The following GEMIN4 variants were observed in gnomAD, a reference collection of about 807,000 sequenced individuals.
GEMIN4 encodes the protein gem nuclear organelle associated protein 4.
Under a neutral mutation model 76.8 loss-of-function variants are expected in GEMIN4, and 59 were observed. The observed-to-expected ratio is 0.77, with a 90% confidence interval of 0.62 to 0.95. The LOEUF (loss-of-function observed/expected upper bound fraction) is 0.95, where lower values mean the gene tolerates loss of function less well. GEMIN4 is among the 40% of genes least tolerant of loss of function. The probability of loss-of-function intolerance (pLI) is 0.00; values close to 1 mark genes in which losing one functional copy is unlikely to be tolerated. For synonymous variants in GEMIN4, 562 were observed against 559.7 expected (o/e 1.00, Z -0.06); for missense variants, 1,311 against 1,318.9 (o/e 0.99, Z 0.09).
Position 746,665 on chromosome 17 carries a change from T to G in GEMIN4, c.1378A>C (p.Thr460Pro). 6.2e-7 allele frequency: 1 copy of G among 1,613,538 alleles called. No individual in the cohort carries two copies. The change falls in exon 2 of 2, where the codon ACA (threonine) becomes CCA (proline). Residue 460 changes from threonine (T) to proline (P), a missense_variant. This residue lies in a region of GEMIN4 where 1,208 missense variants were observed against 1,166.9 expected (regional missense o/e 1.04). Coordinates refer to ENST00000319004, the MANE Select transcript of GEMIN4 (RefSeq NM_015721.3). This position sits in a 1 kb window ranked among gnomAD's most constrained non-coding sequence, Gnocchi z 4.3. ...TCAGCTGTGCTGACGTCTATCACTG[T>G]TTCCAGCAGCCTCAACACCAAGTCT... ...QPDLVLRLLE[T>P]VIDVSTADRA...
chr17:746,265 T>A lies in GEMIN4; in HGVS notation c.1778A>T (p.Glu593Val), dbSNP rs4968104. The change falls in exon 2 of 2, where the codon GAG becomes GTG. Residue 593 changes from glutamate to valine, a missense_variant. By Grantham distance (121) the Glu-to-Val change is moderately radical (BLOSUM62 -2). This residue lies in a region of GEMIN4 where 1,208 missense variants were observed against 1,166.9 expected (regional missense o/e 1.04). Transcript: ENST00000319004. The surrounding 1 kb of genome is among the most constrained non-coding windows in gnomAD (Gnocchi z 4.3). ...TAFPALRFVE[E>V]QGPNSSATFM... ...AGTGGCAGATGAATTGGGACCCTGCTCTTCCACAAACCTAAGGGCAGGGAA... is the reference window on the plus strand; with the variant it reads ...AGTGGCAGATGAATTGGGACCCTGCACTTCCACAAACCTAAGGGCAGGGAA... 378,821 of 1,613,572 alleles carry A rather than the reference T, an allele frequency of 0.23. 46,738 individuals are homozygous for A. The highest frequency in any genetic ancestry group is 0.26 in the Non-Finnish European group (304,902 of 1,179,818).
chr17:746,487 A>G lies in GEMIN4; in HGVS notation c.1556T>C (p.Val519Ala). The change falls in exon 2 of 2, where the codon GTG becomes GCG. Residue 519 changes from valine to alanine, a missense_variant. Physicochemically the swap from Val to Ala is moderately conservative, Grantham distance 64 (BLOSUM62 0). Around this residue, in one of 2 missense-constraint regions of GEMIN4, gnomAD observed 1,208 missense variants for 1,166.9 expected, o/e 1.04. Coordinates refer to ENST00000319004, the MANE Select transcript of GEMIN4 (RefSeq NM_015721.3). This position sits in a 1 kb window ranked among gnomAD's most constrained non-coding sequence, Gnocchi z 4.3. ...ATTGAGGTCTTCCTGAAAACCCTCC[A>G]CATAAGCCAGCAACTTTTCAGAGAG... ...KGLSEKLLAY[V>A]EGFQEDLNTT... 6.2e-7 allele frequency: 1 copy of G among 1,613,974 alleles called. No individual in the cohort carries two copies. Among genetic ancestry groups the G allele is most frequent in the Non-Finnish European group, 8.5e-7 (1 of 1,179,888 alleles).
Position 747,547 on chromosome 17 carries a change from C to T in GEMIN4, c.496G>A (p.Glu166Lys), listed in dbSNP as rs1408518747. Residue 166 changes from glutamate to lysine, a missense_variant, in exon 2 of 2, where the codon GAG (glutamate) becomes AAG (lysine). This residue lies in a region of GEMIN4 where 1,208 missense variants were observed against 1,166.9 expected (regional missense o/e 1.04). Coordinates refer to ENST00000319004, the MANE Select transcript of GEMIN4 (RefSeq NM_015721.3). ...GGGTGACCCTTGTGCTTCATCACCT[C>T]CCACCAGACGTCCAGGAAGAAGGCC... ...DVAFFLDVWW[E>K]VMKHKGHPQD... 1.2e-6 allele frequency: 2 copies of T among 1,613,762 alleles called. No homozygotes were observed. The highest frequency in any genetic ancestry group is 1.7e-6 in the Non-Finnish European group (2 of 1,179,888).
upstream of GEMIN4, chr17:754,158 G>C (rs1051729217): frequency 6.6e-6 from 1 of 152,188 alleles, no homozygotes; most frequent in South Asian, 2.1e-4. Flanking sequence ...CTTAGGGGAC[G>C]GTGGGACAAT....
At position 745,878 on chromosome 17, in the gene GEMIN4, G is replaced by T. The variant is rs751140134; in HGVS notation, c.2165C>A (p.Ser722Tyr). 3.5e-5 allele frequency: 56 copies of T among 1,612,792 alleles called. No individual in the cohort carries two copies. In the South Asian group the frequency reaches 6.2e-4, roughly 18 times the overall value. ...GATCGCTAGATCCTTCCTATCCAAA[G>T]AGAGGCACCGCTTCTCCTTGGGAAG... ...WQLPKEKRCL[S>Y]LDRKDLAIHI... The change falls in exon 2 of 2, where the codon TCT (serine) becomes TAT (tyrosine). Residue 722 changes from serine to tyrosine, a missense_variant. Around this residue, in one of 2 missense-constraint regions of GEMIN4, gnomAD observed 1,208 missense variants for 1,166.9 expected, o/e 1.04. Transcript: ENST00000319004. The surrounding 1 kb of genome is among the most constrained non-coding windows in gnomAD (Gnocchi z 4.6).
At chr17:749,969 A>T (rs1045710763) in intron 1 of GEMIN4, 2 of 985,486 alleles carry the variant, frequency 2.0e-6, no homozygotes, top group Non-Finnish European at 2.4e-6. Context: ...GCCTTCCTTC[A>T]GGGAACTAAC....
At chr17:748,605 G>T in intron 1 of GEMIN4, 1 of 199,916 alleles carries the variant, frequency 5.0e-6, no homozygotes, top group South Asian at 7.3e-5. Context: ...ATGTACCACA[G>T]GACATGACAG....
Position 746,939 on chromosome 17 carries a change from C to G in GEMIN4, c.1104G>C (p.Leu368=). Residue 368 remains leucine, a synonymous_variant, in exon 2 of 2, where the codon CTG becomes CTC. Coordinates refer to ENST00000319004, the MANE Select transcript of GEMIN4 (RefSeq NM_015721.3). The surrounding 1 kb of genome is among the most constrained non-coding windows in gnomAD (Gnocchi z 4.3). ...NATLYLNRTS[L]SKEDRQVVSE... is the part of the protein sequence containing the mutation. ...AGACCACCTGCCTGTCCTCCTTGGA[C>G]AGGCTGGTGCGGTTCAGGTAGAGCG... 1 of 1,613,636 alleles carries G rather than the reference C, an allele frequency of 6.2e-7. No individual in the cohort carries two copies. The highest frequency in any genetic ancestry group is 1.1e-5 in the South Asian group (1 of 91,084).
chr17:747,100 C>T lies in GEMIN4; in HGVS notation c.943G>A (p.Val315Met), dbSNP rs199897496. 444 of 1,613,700 alleles carry T rather than the reference C, an allele frequency of 2.8e-4. 1 individual carries two copies. The African/African-American group carries it at 5.2e-3, about 19-fold the overall frequency. Residue 315 changes from valine (V) to methionine (M), a missense_variant, in exon 2 of 2, where the codon GTG (valine) becomes ATG (methionine). Transcript: ENST00000319004. ...LAKLPSETIF[V>M]GCEFLHHLLR... ...AGGTGGTGCAGGAACTCGCAGCCCA[C>T]GAAAATGGTCTCACTGGGGAGTTTG...
chr17:746,364 G>A lies in GEMIN4; in HGVS notation c.1679C>T (p.Thr560Met), dbSNP rs765476343. The change falls in exon 2 of 2, where the codon ACG (threonine) becomes ATG (methionine). Residue 560 changes from threonine to methionine, a missense_variant. By Grantham distance (81) the Thr-to-Met change is moderately conservative. This residue lies in a region of GEMIN4 where 1,208 missense variants were observed against 1,166.9 expected (regional missense o/e 1.04). Transcript: ENST00000319004. This position sits in a 1 kb window ranked among gnomAD's most constrained non-coding sequence, Gnocchi z 4.3. Reference sequence around the variant, plus strand: ...AGCCAGGCTGCACATTTTCTTCACCGTGACTTCCGGGTGCACTATGACCAG... The same window carrying A: ...AGCCAGGCTGCACATTTTCTTCACCATGACTTCCGGGTGCACTATGACCAG... The part of the protein sequence containing the change: ...ARLVIVHPEV[T>M]VKKMCSLAVV... 6.8e-6 allele frequency: 11 copies of A among 1,613,678 alleles called. No individual in the cohort carries two copies. Among genetic ancestry groups the A allele is most frequent in the Admixed American group, 1.7e-5 (1 of 59,998 alleles).
At chr17:748,101 G>T in intron 1 of GEMIN4, 69 bp from the exon 2 acceptor site, 1 of 1,231,212 alleles carries the variant, frequency 8.1e-7, no homozygotes, top group Non-Finnish European at 1.1e-6. Flanking sequence ...CTGTTAGTAG[G>T]CTGTCATGGT....
chr17:751,813 G>C (rs1031035429), intron 1 of GEMIN4: 2 of 347,850 alleles, frequency 5.7e-6, no homozygotes, highest in African/African-American at 4.2e-5. Flanking sequence ...CCGTCGGGGC[G>C]CCCAGGGGTG....
chr17:747,716 G>A lies in GEMIN4; in HGVS notation c.327C>T (p.His109=), dbSNP rs779940859. 6.2e-7 allele frequency: 1 copy of A among 1,613,856 alleles called. No homozygotes were observed. The highest frequency in any genetic ancestry group is 1.7e-5 in the Admixed American group (1 of 59,998). The change falls in exon 2 of 2, where the codon CAC becomes CAT. Residue 109 remains histidine, a synonymous_variant. Transcript: ENST00000319004. ...SVGNMIPTIN[H]TILFELLKSL... ...ATTTGAGCAGCTCGAAGAGGATGGTGTGGTTGATGGTGGGGATCATGTTGC... is the reference window on the plus strand; with the variant it reads ...ATTTGAGCAGCTCGAAGAGGATGGTATGGTTGATGGTGGGGATCATGTTGC...
chr17:746,865 A>G lies in GEMIN4; in HGVS notation c.1178T>C (p.Val393Ala), dbSNP rs1357158103. The G allele has an allele frequency of 3.1e-6, 5 of 1,613,506 alleles. No homozygotes were observed. The South Asian group carries it at 3.3e-5, about 11-fold the overall frequency. ...VRDFLRKTST[V>A]LKNRALEDIT... is the part of the protein sequence containing the mutation. ...ATCCTCCAAGGCCCTGTTCTTCAGCACCGTGCTCGTTTTCCTCAGGAAGTC... is the reference window on the plus strand; with the variant it reads ...ATCCTCCAAGGCCCTGTTCTTCAGCGCCGTGCTCGTTTTCCTCAGGAAGTC... The change falls in exon 2 of 2, where the codon GTG becomes GCG. Residue 393 changes from valine (V) to alanine (A), a missense_variant. Around this residue, in one of 2 missense-constraint regions of GEMIN4, gnomAD observed 1,208 missense variants for 1,166.9 expected, o/e 1.04. Coordinates refer to ENST00000319004, the MANE Select transcript of GEMIN4 (RefSeq NM_015721.3). This position sits in a 1 kb window ranked among gnomAD's most constrained non-coding sequence, Gnocchi z 4.3.
At position 752,228 on chromosome 17, in the gene GEMIN4, A is replaced by G. The variant is rs1904767861; in HGVS notation, c.-86T>C. The G allele has an allele frequency of 1.6e-6, 2 of 1,228,762 alleles. No homozygotes were observed. The highest frequency in any genetic ancestry group is 4.2e-5 in the Admixed American group (1 of 23,582). The allele number at this position is 1,228,762 out of a possible 1,614,324, so 76.1% of individuals were successfully genotyped here. A position where few individuals can be genotyped will look rare whatever the true frequency, so the allele number is the denominator to read the frequency against. ...GGCGCGGGACGCACGGCACGATGGGAGACGCAGGAGCCACGGCGGCCGCGC... is the reference window on the plus strand; with the variant it reads ...GGCGCGGGACGCACGGCACGATGGGGGACGCAGGAGCCACGGCGGCCGCGC... On this transcript the variant is annotated 5_prime_UTR_variant, in exon 1 of 2. Coordinates refer to ENST00000319004, the MANE Select transcript of GEMIN4 (RefSeq NM_015721.3).
In GEMIN4 at chr17:745,228, C is replaced by G. The variant is rs766132255; in HGVS notation, c.2815G>C (p.Val939Leu). ...AGACTGCCACAGAGGAGTTTGACCA[C>G]GTGGTTCCAGCCTTCCAGAGGAAGC... ...DWLPLEGWNHVVKLLCGSLTR... is the reference protein window; with the variant it reads ...DWLPLEGWNHLVKLLCGSLTR... The change falls in exon 2 of 2, where the codon GTG (valine) becomes CTG (leucine). Residue 939 changes from valine to leucine, a missense_variant. Physicochemically the swap from Val to Leu is conservative, Grantham distance 32 (BLOSUM62 1). This residue lies in a region of GEMIN4 where 1,208 missense variants were observed against 1,166.9 expected (regional missense o/e 1.04). Transcript: ENST00000319004. The surrounding 1 kb of genome is among the most constrained non-coding windows in gnomAD (Gnocchi z 4.6). 4 of 1,609,340 alleles carry G rather than the reference C, an allele frequency of 2.5e-6. No individual in the cohort carries two copies. The highest frequency in any genetic ancestry group is 3.4e-6 in the Non-Finnish European group (4 of 1,178,320).
intron 1 of GEMIN4, 84 bp downstream of exon 1, chr17:752,049 G>C: frequency 1.1e-6 from 1 of 947,676 alleles, no homozygotes; most frequent in Non-Finnish European, 1.4e-6. Context: ...GAGCGTGCGC[G>C]ACAGGAGGAG....
At position 747,574 on chromosome 17, in the gene GEMIN4, C is replaced by T. The variant is rs187500530; in HGVS notation, c.469G>A (p.Val157Met). ...CACCAGACGTCCAGGAAGAAGGCCA[C>T]GTCTTCGGCAGAAGTGTCAACGGTC... is the stretch of plus-strand genomic sequence containing the variant. ...HVTVDTSAEDVAFFLDVWWEV... is the reference protein window; with the variant it reads ...HVTVDTSAEDMAFFLDVWWEV... The change falls in exon 2 of 2, where the codon GTG (valine) becomes ATG (methionine). Residue 157 changes from valine (V) to methionine (M), a missense_variant. Val to Met is a conservative substitution (Grantham distance 21). Around this residue, in one of 2 missense-constraint regions of GEMIN4, gnomAD observed 1,208 missense variants for 1,166.9 expected, o/e 1.04. Coordinates refer to ENST00000319004, the MANE Select transcript of GEMIN4 (RefSeq NM_015721.3). 112 of 1,613,914 alleles carry T rather than the reference C, an allele frequency of 6.9e-5. No homozygotes were observed. The highest frequency in any genetic ancestry group is 1.8e-4 in the Admixed American group (11 of 60,012).
In GEMIN4 at chr17:745,156, A is replaced by C; in HGVS notation, c.2887T>G (p.Trp963Gly). The C allele has an allele frequency of 5.0e-6, 8 of 1,606,452 alleles. No individual in the cohort carries two copies. The highest frequency in any genetic ancestry group is 6.8e-6 in the Non-Finnish European group (8 of 1,176,814). Residue 963 changes from tryptophan to glycine, a missense_variant, in exon 2 of 2, where the codon TGG (tryptophan) becomes GGG (glycine). By Grantham distance (184) the Trp-to-Gly change is radical. Around this residue, in one of 2 missense-constraint regions of GEMIN4, gnomAD observed 1,208 missense variants for 1,166.9 expected, o/e 1.04. Transcript: ENST00000319004. The surrounding 1 kb of genome is among the most constrained non-coding windows in gnomAD (Gnocchi z 4.6). ...AGGTCCTGCTCTGGTCCTTGAACCC[A>C]AGGGCCAGCTGCCTGTATCGCCCTG... ...SVRAIQAAGPWVQGPEQDLTQ... is the reference protein window; with the variant it reads ...SVRAIQAAGPGVQGPEQDLTQ...
Sources: allele counts gnomAD v4.1 joint callset, GRCh38; gene constraint gnomAD v4.1.1; regional missense constraint gnomAD v4.1.1; non-coding constraint Gnocchi (gnomAD v3.1); transcripts MANE v1.5; gene names NCBI Gene and HGNC (gene_info 2026-07-23, HGNC 2026-07-21).